NHLRC2: variants seen among roughly 807,000 people sequenced by gnomAD.
NHLRC2 encodes the protein NHL repeat-containing protein 2.
A neutral mutation model predicts 68.1 loss-of-function variants in NHLRC2; 33 were observed. That is an observed-to-expected ratio of 0.48 (90% CI 0.37 to 0.65). NHLRC2 has a LOEUF of 0.65. NHLRC2 is among the 30% of genes least tolerant of loss of function. NHLRC2 has a pLI of 0.00. For missense variants in NHLRC2, 761 were observed against 853.8 expected (o/e 0.89, Z 1.35); for synonymous variants, 311 against 309.6 (o/e 1.00, Z -0.05).
At chr10:113,863,834 A>G (rs1468719133) in intron 2 of NHLRC2, among the ~76,000 whole-genome samples, 1 of 152,230 alleles carries the variant, frequency 6.6e-6, no homozygotes, top group African/African-American at 2.4e-5. Flanking sequence ...TACTATGAGC[A>G]ATTGTACATT....
Position 113,864,084 on chromosome 10 carries a change from G to C in NHLRC2, c.331+5404G>C, listed in dbSNP as rs1267310147. ...GGAAATTCTAACATGGATGAACTTT[G>C]AGGACATTATGTTAGGTGAAAAAAA... On this transcript the variant is annotated intron_variant, in intron 2 of 10. Coordinates refer to ENST00000369301, the MANE Select transcript of NHLRC2 (RefSeq NM_198514.4). Among the ~76,000 whole-genome samples, 9 of 152,176 alleles carry C rather than the reference G, an allele frequency of 5.9e-5. No individual in the cohort carries two copies. The East Asian group carries it at 1.7e-3, about 29-fold the overall frequency.
rs1469649660 is a variant in NHLRC2 at position 113,915,395 on chromosome 10, C to T, written c.*6859C>T. On this transcript the variant is annotated 3_prime_UTR_variant, in exon 11 of 11. Coordinates refer to ENST00000369301, the MANE Select transcript of NHLRC2 (RefSeq NM_198514.4). ...CCTTCCTCTTTAAGCAGCAACTTAC[C>T]ACAGGCTTGGTGGCTTTAAGTAATA... is the stretch of plus-strand genomic sequence containing the variant. The T allele has an allele frequency of 2.7e-6, 1 of 369,930 alleles. No homozygotes were observed. The highest frequency in any genetic ancestry group is 2.1e-5 in the African/African-American group (1 of 47,090). 22.9% of individuals were successfully genotyped at this position (369,930 alleles called of 1,614,324 possible).
At chr10:113,868,679 G>A (rs902262886) in intron 2 of NHLRC2, among the ~76,000 whole-genome samples, 1 of 152,136 alleles carries the variant, frequency 6.6e-6, no homozygotes, top group Non-Finnish European at 1.5e-5. Flanking sequence ...ACAAAAGAAG[G>A]CATATAATTA....
At chr10:113,906,588 A>G (rs1349933151) in intron 10 of NHLRC2, among the ~76,000 whole-genome samples, 2 of 151,916 alleles carry the variant, frequency 1.3e-5, no homozygotes, top group African/African-American at 2.4e-5. Context: ...TAACTTCACA[A>G]ATTGTGTGTG....
chr10:113,905,858 T>G (rs1846270964), intron 10 of NHLRC2, among the ~76,000 whole-genome samples: 1 of 152,180 alleles, frequency 6.6e-6, no homozygotes, highest in Non-Finnish European at 1.5e-5. Context: ...TAACGGTATC[T>G]TGGTAGACTG....
At chr10:113,872,761 T>TTA (rs1554900429) in intron 2 of NHLRC2, among the ~76,000 whole-genome samples, 4 of 136,378 alleles carry the variant, frequency 2.9e-5, no homozygotes, top group East Asian at 4.1e-4. Flanking sequence ...GAAAATGAGC[T>TTA]AAAAAAAAAA....
chr10:113,891,735 C>T (rs892457927), intron 5 of NHLRC2, among the ~76,000 whole-genome samples: 3 of 152,202 alleles, frequency 2.0e-5, no homozygotes, highest in Non-Finnish European at 4.4e-5. Flanking sequence ...CAGGGATAGA[C>T]TGCTACTCGT....
chr10:113,855,460 C>T (rs1845739344), intron 1 of NHLRC2, among the ~76,000 whole-genome samples: 1 of 151,958 alleles, frequency 6.6e-6, no homozygotes, highest in Non-Finnish European at 1.5e-5. Context: ...ATGTATCACA[C>T]ACAGGGTTTT....
At chr10:113,871,938 C>T (rs1368154063) in intron 2 of NHLRC2, among the ~76,000 whole-genome samples, 1 of 152,116 alleles carries the variant, frequency 6.6e-6, no homozygotes. Flanking sequence ...TCTGTGGATG[C>T]CAAGAACAAG....
At position 113,896,911 on chromosome 10, in the gene NHLRC2, A is replaced by G. The variant is rs1039677649; in HGVS notation, c.1040-1199A>G. 4.0e-5 allele frequency among the ~76,000 whole-genome samples: 6 copies of G among 151,464 alleles called. No homozygotes were observed. In the East Asian group the frequency reaches 1.2e-3, roughly 30 times the overall value. ...CGGGAGGCTGAGGCAGGAGAATGGC[A>G]TGAACCTGGGAGGCGGAGCTTGCAG... is the stretch of plus-strand genomic sequence containing the variant. On this transcript the variant is annotated intron_variant, in intron 5 of 10. Transcript: ENST00000369301.
intron 8 of NHLRC2, among the ~76,000 whole-genome samples, chr10:113,903,126 T>A (rs1242552709): frequency 1.3e-5 from 2 of 152,168 alleles, no homozygotes; most frequent in Non-Finnish European, 2.9e-5. Flanking sequence ...CTGTCAATCA[T>A]TAAGTTTAAC....
chr10:113,865,923 A>G (rs1165392734), intron 2 of NHLRC2, among the ~76,000 whole-genome samples: 5 of 152,188 alleles, frequency 3.3e-5, no homozygotes, highest in Admixed American at 6.5e-5. Context: ...TCCCATTACT[A>G]TTTGATGTAC....
At chr10:113,863,666 G>T (rs1315914734) in intron 2 of NHLRC2, among the ~76,000 whole-genome samples, 2 of 152,020 alleles carry the variant, frequency 1.3e-5, no homozygotes, top group African/African-American at 2.4e-5. Context: ...ATCAATTTGG[G>T]TACAACCAAC....
rs1846351089 is a variant in NHLRC2 at position 113,913,841 on chromosome 10, T to TG, written c.*5306dup. The TG allele has an allele frequency of 6.7e-6, 1 of 149,924 alleles. No individual in the cohort carries two copies. Among genetic ancestry groups the TG allele is most frequent in the African/African-American group, 2.5e-5 (1 of 39,954 alleles). The allele number at this position is 149,924 out of a possible 1,614,324, so 9.3% of individuals were successfully genotyped here. ...AGCATTAGGTACTTTTTGTTGTTGTTGTTTTGTTTTTTTTTTTTTTTTTTG... is the reference window on the plus strand; with the variant it reads ...AGCATTAGGTACTTTTTGTTGTTGTTGGTTTTGTTTTTTTTTTTTTTTTTTG... On this transcript the variant is annotated 3_prime_UTR_variant, in exon 11 of 11. Coordinates refer to ENST00000369301, the MANE Select transcript of NHLRC2 (RefSeq NM_198514.4).
chr10:113,855,302 A>ATAT (rs952254091), intron 1 of NHLRC2, among the ~76,000 whole-genome samples: 3 of 152,270 alleles, frequency 2.0e-5, no homozygotes, highest in African/African-American at 7.2e-5. Context: ...CCCGCGCCTG[A>ATAT]TATTAGCCAA....
intron 6 of NHLRC2, among the ~76,000 whole-genome samples, chr10:113,898,448 C>G (rs754938124): frequency 2.0e-5 from 3 of 152,158 alleles, no homozygotes; most frequent in Admixed American, 6.5e-5. Context: ...CTTTCGGGAG[C>G]TTCGCCAGTC....
At chr10:113,865,888 T>C (rs1245546779) in intron 2 of NHLRC2, among the ~76,000 whole-genome samples, 1 of 152,214 alleles carries the variant, frequency 6.6e-6, no homozygotes, top group Non-Finnish European at 1.5e-5. Context: ...AAATTGAATT[T>C]GCTTTTTTGT....
intron 2 of NHLRC2, among the ~76,000 whole-genome samples, chr10:113,862,023 C>T (rs1192924046): frequency 1.3e-5 from 2 of 151,952 alleles, no homozygotes; most frequent in Non-Finnish European, 2.9e-5. Flanking sequence ...CAGGTGCCTG[C>T]GACCACGCCC....
At chr10:113,881,769 T>C (rs1382823986) in intron 4 of NHLRC2, among the ~76,000 whole-genome samples, 1 of 151,786 alleles carries the variant, frequency 6.6e-6, no homozygotes, top group South Asian at 2.1e-4. Context: ...TTTTAGTAAA[T>C]TTAACAGGTT....
Sources: allele counts gnomAD v4.1 joint callset (sites outside exome capture counted in the v4.1 genomes callset), GRCh38; gene constraint gnomAD v4.1.1; transcripts MANE v1.5; gene names NCBI Gene and HGNC (gene_info 2026-07-23, HGNC 2026-07-21).